LATS2: variants seen among roughly 807,000 people sequenced by gnomAD.
LATS2 encodes the protein large tumor suppressor kinase 2.
In LATS2, 24 loss-of-function variants were observed where a neutral mutation model predicts 76.0. The ratio of observed to expected loss-of-function variants is 0.32; its 90% CI spans 0.23 to 0.44. The LOEUF (loss-of-function observed/expected upper bound fraction) is 0.44. Ranked by LOEUF, LATS2 falls within the 20% of genes least tolerant of loss-of-function variation. LATS2 has a pLI of 1.00. For missense variants in LATS2, 1,286 were observed against 1,481.2 expected (o/e 0.87, Z 2.16); for synonymous variants, 692 against 635.4 (o/e 1.09, Z -1.34).
At position 20,989,305 on chromosome 13, in the gene LATS2, C is replaced by T; in HGVS notation, c.476-1G>A. 6.2e-7 allele frequency: 1 copy of T among 1,613,682 alleles called. No homozygotes were observed. Among genetic ancestry groups the T allele is most frequent in the Non-Finnish European group, 8.5e-7 (1 of 1,179,990 alleles). On this transcript the variant is annotated splice_acceptor_variant, in intron 3 of 7. Coordinates refer to ENST00000382592, the MANE Select transcript of LATS2 (RefSeq NM_014572.3). LOFTEE classifies it high-confidence loss of function. ...ACTGGGGTTGGCATGAGCCCCTTTC[C>T]TGCAGTGGAAAAAACAGGAAGACAG... is the stretch of plus-strand genomic sequence containing the variant.
chr13:20,988,366 C>CGGGGGCGGGGGT lies in LATS2; in HGVS notation c.1413_1414insACCCCCGCCCCC (p.Pro471_Ala472insThrProAlaPro). 1.5e-6 allele frequency: 2 copies of CGGGGGCGGGGGT among 1,371,606 alleles called. No individual in the cohort carries two copies. The highest frequency in any genetic ancestry group is 3.8e-5 in the Admixed American group (1 of 26,194). 85.0% of individuals were successfully genotyped at this position (1,371,606 alleles called of 1,614,324 possible). On this transcript the variant is annotated inframe_insertion, in exon 4 of 8. Transcript: ENST00000382592. The stretch of plus-strand genomic sequence containing the variant: ...GCCGGGGCGGGGGCGGGGGCGGGGG[C>CGGGGGCGGGGGT]CGGGGCAGGCGCGGGCACCCAGGCG...
intron 2 of LATS2, among the ~76,000 whole-genome samples, chr13:21,020,785 C>T (rs994909930): frequency 7.9e-5 from 12 of 152,136 alleles, no homozygotes; most frequent in South Asian, 6.2e-4. Context: ...CAGGCAACCC[C>T]GTCATGCAAG....
intron 2 of LATS2, among the ~76,000 whole-genome samples, chr13:21,035,425 G>GA (rs1421079689): frequency 2.0e-5 from 3 of 152,090 alleles, no homozygotes; most frequent in Non-Finnish European, 4.4e-5. Flanking sequence ...GGCAATGACA[G>GA]AAACAGTTTA....
At chr13:20,989,326 G>A (rs756117480) in intron 3 of LATS2, 22 bp from the exon 4 acceptor site, 1 of 1,612,728 alleles carries the variant, frequency 6.2e-7, no homozygotes, top group Non-Finnish European at 8.5e-7. Flanking sequence ...AAAACAGGAA[G>A]ACAGCATCAG....
At chr13:21,012,616 T>C (rs917992750) in intron 2 of LATS2, among the ~76,000 whole-genome samples, 1 of 152,236 alleles carries the variant, frequency 6.6e-6, no homozygotes, top group African/African-American at 2.4e-5. Context: ...CTTATGATTC[T>C]TTTCTCCTAG....
intron 7 of LATS2, among the ~76,000 whole-genome samples, chr13:20,978,243 A>G (rs1869715964): frequency 6.6e-6 from 1 of 152,068 alleles, no homozygotes; most frequent in South Asian, 2.1e-4. Context: ...AATTAAAGTT[A>G]TTAATTTAGG....
chr13:21,010,161 C>T (rs918608877), intron 2 of LATS2, among the ~76,000 whole-genome samples: 5 of 151,950 alleles, frequency 3.3e-5, no homozygotes, highest in African/African-American at 1.2e-4. Flanking sequence ...GATCGCACCA[C>T]TGCACTCCAG....
At chr13:21,028,288 C>T (rs1292472832) in intron 2 of LATS2, among the ~76,000 whole-genome samples, 1 of 152,074 alleles carries the variant, frequency 6.6e-6, no homozygotes, top group Non-Finnish European at 1.5e-5. Flanking sequence ...CATAGTATTC[C>T]ATGGTGTATA....
Position 20,988,452 on chromosome 13 carries a change from G to C in LATS2, c.1328C>G (p.Pro443Arg), listed in dbSNP as rs1169128661. 1.3e-6 allele frequency: 2 copies of C among 1,524,480 alleles called. No homozygotes were observed. Among genetic ancestry groups the C allele is most frequent in the Non-Finnish European group, 1.8e-6 (2 of 1,142,730 alleles). 94.4% of individuals were successfully genotyped at this position (1,524,480 alleles called of 1,614,324 possible). A position where few individuals can be genotyped will look rare whatever the true frequency, so the allele number is the denominator to read the frequency against. Residue 443 changes from proline to arginine, a missense_variant, in exon 4 of 8, where the codon CCG (proline) becomes CGG (arginine). By Grantham distance (103) the Pro-to-Arg change is moderately radical. Transcript: ENST00000382592. ...CCTCAGCACACGCACGCTCTTCACC[G>C]GGTGCAAGATGTGCGCGGCCGTGAC... ...TAVTAAHILHPVKSVRVLRPE... is the reference protein window; with the variant it reads ...TAVTAAHILHRVKSVRVLRPE...
intron 2 of LATS2, among the ~76,000 whole-genome samples, chr13:21,036,541 G>A (rs1247252539): frequency 2.0e-5 from 3 of 152,030 alleles, no homozygotes; most frequent in Admixed American, 6.5e-5. Flanking sequence ...TTGGGAGGCC[G>A]AGGTGGGCAG....
At chr13:21,025,139 C>T (rs1329590314) in intron 2 of LATS2, among the ~76,000 whole-genome samples, 1 of 151,204 alleles carries the variant, frequency 6.6e-6, no homozygotes, top group Admixed American at 6.6e-5. Context: ...TTTATGGTCA[C>T]GGGGCCAGGT....
intron 2 of LATS2, among the ~76,000 whole-genome samples, chr13:20,995,079 G>T (rs964215732): frequency 6.6e-6 from 1 of 151,952 alleles, no homozygotes; most frequent in Non-Finnish European, 1.5e-5. Context: ...TTGAGTGCCC[G>T]TTTCCTCATC....
chr13:20,993,366 G>C (rs1870593077), intron 2 of LATS2, among the ~76,000 whole-genome samples: 1 of 152,206 alleles, frequency 6.6e-6, no homozygotes, highest in Admixed American at 6.5e-5. Context: ...ATATATGATG[G>C]TCTAATACTG....
intron 2 of LATS2, among the ~76,000 whole-genome samples, chr13:21,024,435 G>GATA (rs1207659301): frequency 6.6e-6 from 1 of 151,964 alleles, no homozygotes; most frequent in African/African-American, 2.4e-5. Flanking sequence ...GACTCTGAAT[G>GATA]ATAATAATAA....
At chr13:21,016,273 C>G (rs1871795656) in intron 2 of LATS2, among the ~76,000 whole-genome samples, 2 of 151,828 alleles carry the variant, frequency 1.3e-5, no homozygotes, top group Admixed American at 6.6e-5. Flanking sequence ...AGGCATGAGA[C>G]AGCGTACCCG....
chr13:21,059,707 T>G (rs1873563904), intron 1 of LATS2, among the ~76,000 whole-genome samples: 1 of 152,254 alleles, frequency 6.6e-6, no homozygotes, highest in Admixed American at 6.5e-5. Context: ...GGCTCACGCC[T>G]GTAATCCCAG....
At chr13:21,022,285 C>A (rs1595240845) in intron 2 of LATS2, among the ~76,000 whole-genome samples, 1 of 152,068 alleles carries the variant, frequency 6.6e-6, no homozygotes, top group Admixed American at 6.5e-5. Context: ...TTTGTATGTG[C>A]ATGTGTGTGT....
chr13:21,045,067 C>T (rs1054191197), intron 2 of LATS2, among the ~76,000 whole-genome samples: 7 of 150,984 alleles, frequency 4.6e-5, no homozygotes, highest in African/African-American at 1.7e-4. Context: ...GCCACCTCCA[C>T]TAATGTATCC....
chr13:21,052,946 C>T (rs746863385), intron 1 of LATS2, among the ~76,000 whole-genome samples: 3 of 152,018 alleles, frequency 2.0e-5, no homozygotes, highest in African/African-American at 4.8e-5. Flanking sequence ...CTAGAAAAAC[C>T]GAACGCTGGG....
Sources: gnomAD v4.1 joint callset for allele counts (sites outside exome capture counted in the v4.1 genomes callset) on GRCh38, gnomAD v4.1.1 for gene constraint, MANE v1.5 for transcripts, NCBI Gene and HGNC (gene_info 2026-07-23, HGNC 2026-07-21) for gene names.